PDZD2: variants seen among roughly 807,000 people sequenced by gnomAD.
The protein encoded by PDZD2 is PDZ domain containing 2.
PDZD2 carries 90 observed loss-of-function variants against 220.7 expected under a neutral mutation model. That is an observed-to-expected ratio of 0.41 (90% confidence interval 0.34 to 0.49). The LOEUF is 0.49. Ranked by LOEUF, PDZD2 falls within the 20% of genes least tolerant of loss-of-function variation. The probability of loss-of-function intolerance (pLI) is 0.28; values close to 1 mark genes in which losing one functional copy is unlikely to be tolerated. For missense variants in PDZD2, 3,174 were observed against 3,608.5 expected, an observed-to-expected ratio of 0.88 and a Z score of 3.08; for synonymous variants, 1,375 against 1,450.5, an observed-to-expected ratio of 0.95 and a Z score of 1.18.
chr5:31,749,451 T>C (rs1401664050), intron 1 of PDZD2, among the ~76,000 whole-genome samples: 3 of 146,642 alleles, frequency 2.0e-5, no homozygotes, highest in Non-Finnish European at 4.5e-5. Context: ...TGAGATGGAG[T>C]TTTGCTCTTT....
chr5:31,827,115 G>A (rs1756278158), intron 2 of PDZD2, among the ~76,000 whole-genome samples: 1 of 152,172 alleles, frequency 6.6e-6, no homozygotes, highest in Non-Finnish European at 1.5e-5. Context: ...TGAGGTCACT[G>A]TCTTGCCACT....
At chr5:32,023,522 CAG>C (rs1349745691) in intron 6 of PDZD2, among the ~76,000 whole-genome samples, 3 of 152,326 alleles carry the variant, frequency 2.0e-5, no homozygotes, top group African/African-American at 7.2e-5. Context: ...ACATTTTAAA[CAG>C]AGAATCCTTC....
At chr5:31,870,541 T>C (rs115281698) in intron 2 of PDZD2, among the ~76,000 whole-genome samples, 1 of 152,148 alleles carries the variant, frequency 6.6e-6, no homozygotes, top group Non-Finnish European at 1.5e-5. Context: ...GACCTCACAG[T>C]AGCAAGTGTC....
intron 2 of PDZD2, among the ~76,000 whole-genome samples, chr5:31,829,741 T>C (rs550653550): frequency 1.3e-5 from 2 of 152,118 alleles, no homozygotes; most frequent in Non-Finnish European, 2.9e-5. Flanking sequence ...TAAAGTGGTA[T>C]CCAATAGCTG....
intron 21 of PDZD2, among the ~76,000 whole-genome samples, chr5:32,095,553 G>A (rs573298263): frequency 2.0e-5 from 3 of 152,292 alleles, no homozygotes; most frequent in African/African-American, 4.8e-5. Context: ...AGCTCTTGAT[G>A]GTTGATCTGG....
rs921852468 is a variant in PDZD2, at chr5:32,089,629, G to A, written c.6181G>A (p.Val2061Met). ...RQSEPRLASHVAADTAQPRPT... is the reference protein window; with the variant it reads ...RQSEPRLASHMAADTAQPRPT... Reference sequence around the variant, plus strand: ...GAGTGAGCCGCGCCTGGCCAGCCATGTGGCAGCAGACACAGCCCAACCCAG... The same window carrying A: ...GAGTGAGCCGCGCCTGGCCAGCCATATGGCAGCAGACACAGCCCAACCCAG... Residue 2061 changes from valine (V) to methionine (M), a missense_variant, in exon 20 of 25, where the codon GTG becomes ATG. Physicochemically the swap from Val to Met is conservative, Grantham distance 21. Coordinates refer to ENST00000438447, the MANE Select transcript of PDZD2 (RefSeq NM_178140.4). 2 of 1,613,594 alleles carry A rather than the reference G, an allele frequency of 1.2e-6. No homozygotes were observed. Among genetic ancestry groups the A allele is most frequent in the Admixed American group, 1.7e-5 (1 of 60,012 alleles).
At chr5:31,725,768 T>G (rs531068739) in intron 1 of PDZD2, 3 of 965,030 alleles carry the variant, frequency 3.1e-6, no homozygotes, top group Non-Finnish European at 5.0e-6. Flanking sequence ...GGGCTGGGAC[T>G]TGGACCGTGA....
chr5:31,947,719 G>A (rs4867407), intron 2 of PDZD2, among the ~76,000 whole-genome samples: 145,328 of 152,228 alleles, frequency 0.95, 69,414 homozygotes, highest in African/African-American at 0.99. Flanking sequence ...CAGGAGGTTG[G>A]GGCTGGAAAA....
At chr5:31,965,897 CA>C (rs371820361) in intron 2 of PDZD2, among the ~76,000 whole-genome samples, 3 of 148,844 alleles carry the variant, frequency 2.0e-5, no homozygotes, top group African/African-American at 4.9e-5. Context: ...ACTCCGTCTC[CA>C]AAAAAAAACA....
chr5:31,912,037 TGGCCCC>T (rs1743252311), intron 2 of PDZD2, among the ~76,000 whole-genome samples: 3 of 152,240 alleles, frequency 2.0e-5, no homozygotes, highest in East Asian at 3.9e-4. Flanking sequence ...TAATCCACCC[TGGCCCC>T]GGCCCCAGCC....
chr5:31,915,978 G>A (rs1743643404), intron 2 of PDZD2, among the ~76,000 whole-genome samples: 1 of 152,234 alleles, frequency 6.6e-6, no homozygotes, highest in Admixed American at 6.5e-5. Flanking sequence ...TGGGGGGACA[G>A]TGGGAGAGAG....
intron 1 of PDZD2, among the ~76,000 whole-genome samples, chr5:31,692,126 C>T (rs1747163512): frequency 6.6e-6 from 1 of 151,902 alleles, no homozygotes; most frequent in African/African-American, 2.4e-5. Flanking sequence ...GAGGCTCAGG[C>T]ATGGCGGGCT....
intron 2 of PDZD2, among the ~76,000 whole-genome samples, chr5:31,915,987 A>G (rs1381634665): frequency 6.6e-6 from 1 of 152,066 alleles, no homozygotes; most frequent in Non-Finnish European, 1.5e-5. Context: ...AGTGGGAGAG[A>G]GAATGTTGGA....
At chr5:31,964,981 C>G (rs774021487) in intron 2 of PDZD2, among the ~76,000 whole-genome samples, 14 of 152,186 alleles carry the variant, frequency 9.2e-5, no homozygotes, top group Non-Finnish European at 1.9e-4. Context: ...CTCCGCTTCC[C>G]AAAATGCTGG....
At chr5:31,797,094 ATTTTTTTTT>A (rs756548601) in intron 1 of PDZD2, among the ~76,000 whole-genome samples, 2 of 66,534 alleles carry the variant, frequency 3.0e-5, no homozygotes, top group Admixed American at 4.0e-4. Context: ...CACCCAGCTA[ATTTTTTTTT>A]TTTTTTTTTT....
In PDZD2 at chr5:31,842,548, C is replaced by T. The variant is rs1757370912; in HGVS notation, c.476+42824C>T. On this transcript the variant is annotated intron_variant, in intron 2 of 24. Coordinates refer to ENST00000438447, the MANE Select transcript of PDZD2 (RefSeq NM_178140.4). ...TGGCTGGTTCCTAATAGAGCAACTG[C>T]TATCTGCTAGGCAGGGAAGGCCCCT... 2.0e-5 allele frequency among the ~76,000 whole-genome samples: 3 copies of T among 152,362 alleles called. No individual in the cohort carries two copies. The South Asian group carries it at 6.2e-4, about 32-fold the overall frequency.
chr5:31,711,645 G>C (rs1324660639), intron 1 of PDZD2, among the ~76,000 whole-genome samples: 1 of 152,150 alleles, frequency 6.6e-6, no homozygotes, highest in East Asian at 1.9e-4. Context: ...CCCTGAACTA[G>C]CCACGCTTCA....
At chr5:31,865,023 A>G (rs754896251) in intron 2 of PDZD2, among the ~76,000 whole-genome samples, 2 of 150,030 alleles carry the variant, frequency 1.3e-5, no homozygotes, top group Non-Finnish European at 3.0e-5. Flanking sequence ...TAATTTTTGT[A>G]TTTTTAGTAG....
At chr5:32,064,386 C>T (rs1739997406) in intron 14 of PDZD2, among the ~76,000 whole-genome samples, 1 of 151,842 alleles carries the variant, frequency 6.6e-6, no homozygotes, top group South Asian at 2.1e-4. Context: ...GGATTATAGG[C>T]GGGCGCTGCC....
Sources: allele counts gnomAD v4.1 joint callset (sites outside exome capture counted in the v4.1 genomes callset), GRCh38; gene constraint gnomAD v4.1.1; transcripts MANE v1.5; gene names NCBI Gene and HGNC (gene_info 2026-07-23, HGNC 2026-07-21).